Variants in ERG28 observed in about 807,000 individuals in gnomAD.
ERG28 encodes the protein ergosterol biosynthesis 28 homolog, also known as ergosterol biosynthetic protein 28 homolog.
Under a neutral mutation model 15.7 loss-of-function variants are expected in ERG28, and 9 were observed. The ratio of observed to expected loss-of-function variants is 0.57; its 90% CI spans 0.35 to 1.00. The LOEUF is 1.00. Ranked by LOEUF, ERG28 falls within the 50% of genes least tolerant of loss-of-function variation. The pLI, the probability that ERG28 is intolerant of heterozygous loss-of-function variation, is 0.02. For synonymous variants in ERG28, 61 were observed against 68.4 expected, an observed-to-expected ratio of 0.89 and a Z score of 0.53; for missense variants, 117 against 173.3, an observed-to-expected ratio of 0.68 and a Z score of 1.82.
At chr14:75,653,191 A>C (rs1890551437) in intron 3 of ERG28, among the ~76,000 whole-genome samples, 1 of 152,202 alleles carries the variant, frequency 6.6e-6, no homozygotes, top group Non-Finnish European at 1.5e-5. Flanking sequence ...TAGGATCAGA[A>C]TGCACATCAG....
chr14:75,654,789 T>G (rs1054547862), intron 3 of ERG28, 97 bp downstream of exon 3: 2 of 1,282,620 alleles, frequency 1.6e-6, no homozygotes, highest in African/African-American at 1.5e-5. Context: ...GCTAATGCAT[T>G]AAAATGATTA....
At chr14:75,659,347 T>G (rs1890643066) in intron 1 of ERG28, among the ~76,000 whole-genome samples, 1 of 152,130 alleles carries the variant, frequency 6.6e-6, no homozygotes, top group Non-Finnish European at 1.5e-5. Context: ...TTTTGTTTTT[T>G]AATTTATTAT....
intron 3 of ERG28, among the ~76,000 whole-genome samples, chr14:75,653,103 C>T (rs1450778292): frequency 1.3e-5 from 2 of 151,962 alleles, no homozygotes; most frequent in Non-Finnish European, 2.9e-5. Context: ...GGATTACAGG[C>T]AGAAGCCACC....
At chr14:75,653,115 G>A (rs1014145935) in intron 3 of ERG28, among the ~76,000 whole-genome samples, 3 of 151,652 alleles carry the variant, frequency 2.0e-5, no homozygotes, top group African/African-American at 4.8e-5. Flanking sequence ...GAAGCCACCC[G>A]CGCCTGGCCC....
chr14:75,658,288 G>A (rs1228634099), intron 1 of ERG28, among the ~76,000 whole-genome samples: 2 of 152,128 alleles, frequency 1.3e-5, no homozygotes, highest in African/African-American at 4.8e-5. Flanking sequence ...CTAAGGCCAT[G>A]CCAGGCAAGG....
At chr14:75,659,875 C>G (rs61565291) in intron 1 of ERG28, among the ~76,000 whole-genome samples, 1 of 150,982 alleles carries the variant, frequency 6.6e-6, no homozygotes, top group African/African-American at 2.5e-5. Context: ...CCGCCCCCCC[C>G]CGCCAACTCC....
intron 3 of ERG28, among the ~76,000 whole-genome samples, chr14:75,652,648 G>T (rs969127236): frequency 1.3e-5 from 2 of 152,028 alleles, no homozygotes; most frequent in Non-Finnish European, 2.9e-5. Flanking sequence ...AGCTCCCTCA[G>T]ATCTTAACAT....
At chr14:75,651,745 G>A (rs1890529089) in intron 4 of ERG28, 26 bp downstream of exon 4, 1 of 1,597,668 alleles carries the variant, frequency 6.3e-7, no homozygotes, top group African/African-American at 1.3e-5. Context: ...GCTCCTGTAG[G>A]AGGTCTAGGG....
chr14:75,653,897 A>T (rs1890563266), intron 3 of ERG28, among the ~76,000 whole-genome samples: 2 of 152,094 alleles, frequency 1.3e-5, no homozygotes, highest in African/African-American at 4.8e-5. Flanking sequence ...TGCTTCCAAA[A>T]GTATGTGTCA....
chr14:75,653,389 G>A (rs1328830184), intron 3 of ERG28, among the ~76,000 whole-genome samples: 1 of 151,646 alleles, frequency 6.6e-6, no homozygotes, highest in African/African-American at 2.4e-5. Flanking sequence ...GGATCACGAG[G>A]TCAGGAGTTC....
chr14:75,651,435 G>A lies in ERG28; in HGVS notation c.*120C>T. ...TAAATTTTAAAAATTAAAAAAAGAG[G>A]CTAAAAGTGAATAAAAGGGCAGATG... On this transcript the variant is annotated 3_prime_UTR_variant, in exon 5 of 5. Transcript: ENST00000256319. 1 of 971,210 alleles carries A rather than the reference G, an allele frequency of 1.0e-6. No homozygotes were observed. The highest frequency in any genetic ancestry group is 1.6e-6 in the Non-Finnish European group (1 of 643,002). The allele number at this position is 971,210 out of a possible 1,614,324, so 60.2% of individuals were successfully genotyped here.
intron 3 of ERG28, among the ~76,000 whole-genome samples, chr14:75,654,016 A>G (rs1890565080): frequency 6.6e-6 from 1 of 152,248 alleles, no homozygotes; most frequent in Non-Finnish European, 1.5e-5. Context: ...CACTTGAGTC[A>G]GTCTTTCTTT....
In ERG28 at chr14:75,650,683, T is replaced by C. The variant is rs1405901836; in HGVS notation, c.*872A>G. 4.0e-5 allele frequency: 6 copies of C among 151,412 alleles called. No homozygotes were observed. The highest frequency in any genetic ancestry group is 1.5e-4 in the African/African-American group (6 of 40,728). The allele number at this position is 151,412 out of a possible 1,614,324, so 9.4% of individuals were successfully genotyped here. A position where few individuals can be genotyped will look rare whatever the true frequency, so the allele number is the denominator to read the frequency against. ...GTGTTTAGTTGTGAACGCAGACTCT[T>C]GAAGGTGAGAAAAAAGAAGATTTGA... On this transcript the variant is annotated 3_prime_UTR_variant, in exon 5 of 5. Transcript: ENST00000256319.
Position 75,658,312 on chromosome 14 carries a change from C to T in ERG28, c.-31-779G>A, listed in dbSNP as rs543667107. ...TGCCAGGCAAGGGTTAAGTTACACA[C>T]TCCTACATTTAAAGAATAAAAGTTA... On this transcript the variant is annotated intron_variant, in intron 1 of 4. Coordinates refer to ENST00000256319, the MANE Select transcript of ERG28 (RefSeq NM_007176.4). Among the ~76,000 whole-genome samples, 5 of 152,282 alleles carry T rather than the reference C, an allele frequency of 3.3e-5. No homozygotes were observed. In the South Asian group the frequency reaches 6.2e-4, roughly 19 times the overall value.
Position 75,650,647 on chromosome 14 carries a change from A to C in ERG28, c.*908T>G, listed in dbSNP as rs536471280. The C allele has an allele frequency of 2.6e-5, 4 of 152,356 alleles. No homozygotes were observed. The highest frequency in any genetic ancestry group is 9.6e-5 in the African/African-American group (4 of 41,584). 9.4% of individuals were successfully genotyped at this position (152,356 alleles called of 1,614,324 possible). A position where few individuals can be genotyped will look rare whatever the true frequency, so the allele number is the denominator to read the frequency against. On this transcript the variant is annotated 3_prime_UTR_variant, in exon 5 of 5. Coordinates refer to ENST00000256319, the MANE Select transcript of ERG28 (RefSeq NM_007176.4). ...GTTTCTTCTTTAGGAGGAAATAAGA[A>C]AGGGCACTTAGTGTTTAGTTGTGAA...
rs1163023657 is a variant in ERG28 at position 75,657,388 on chromosome 14, T to C, written c.115A>G (p.Thr39Ala). Residue 39 changes from threonine to alanine, a missense_variant, in exon 2 of 5, where the codon ACT (threonine) becomes GCT (alanine). Thr to Ala is a moderately conservative substitution (Grantham distance 58). Transcript: ENST00000256319. ...TTCTTACCAAGGTTTGGCTTGCCAGTGTAGAGCTTTTCATAGAGAAAAGTG... is the reference window on the plus strand; with the variant it reads ...TTCTTACCAAGGTTTGGCTTGCCAGCGTAGAGCTTTTCATAGAGAAAAGTG... The part of the protein sequence containing the change: ...DHTFLYEKLY[T>A]GKPNLVNGLQ... The C allele has an allele frequency of 4.3e-6, 7 of 1,613,998 alleles. No individual in the cohort carries two copies. The highest frequency in any genetic ancestry group is 1.1e-5 in the South Asian group (1 of 91,078).
chr14:75,652,329 C>T (rs17103553), intron 3 of ERG28, among the ~76,000 whole-genome samples: 2 of 152,182 alleles, frequency 1.3e-5, no homozygotes, highest in African/African-American at 2.4e-5. Flanking sequence ...TGCCACAGAA[C>T]GAACGGCCTC....
intron 3 of ERG28, among the ~76,000 whole-genome samples, chr14:75,652,557 A>G (rs1363738983): frequency 6.6e-6 from 1 of 152,192 alleles, no homozygotes; most frequent in Non-Finnish European, 1.5e-5. Context: ...TTTAGTATAA[A>G]ATTTTTTAAA....
At chr14:75,660,249 C>G (rs550272498) in intron 1 of ERG28, among the ~76,000 whole-genome samples, 2 of 152,312 alleles carry the variant, frequency 1.3e-5, no homozygotes, top group South Asian at 2.1e-4. Flanking sequence ...CCTAATTTCC[C>G]TAAAGCTTAA....
Sources: gnomAD v4.1 joint callset for allele counts (sites outside exome capture counted in the v4.1 genomes callset) on GRCh38, gnomAD v4.1.1 for gene constraint, MANE v1.5 for transcripts, NCBI Gene and HGNC (gene_info 2026-07-23, HGNC 2026-07-21) for gene names.